The following LRTM1 variants were observed in gnomAD, a reference collection of about 807,000 sequenced individuals.
LRTM1 encodes leucine-rich repeat and transmembrane domain-containing protein 1.
A neutral mutation model predicts 32.4 loss-of-function variants in LRTM1; 38 were observed. The ratio of observed to expected loss-of-function variants is 1.17; its 90% confidence interval spans 0.91 to 1.54. The LOEUF is 1.54. Among genes scored for constraint, LRTM1 ranks in the 40% most tolerant of loss-of-function variants. LRTM1 has a pLI of 0.00. For missense variants in LRTM1, 466 were observed against 415.4 expected, an observed-to-expected ratio of 1.12 and a Z score of -1.06; for synonymous variants, 186 against 169.9, an observed-to-expected ratio of 1.09 and a Z score of -0.74.
intron 1 of LRTM1, among the ~76,000 whole-genome samples, chr3:54,966,079 G>A (rs1245371968): frequency 6.6e-6 from 1 of 152,104 alleles, no homozygotes; most frequent in African/African-American, 2.4e-5. Context: ...CACCCAGCGG[G>A]GAGCAGCTGG....
At chr3:54,942,884 C>T (rs184183385) in intron 1 of LRTM1, among the ~76,000 whole-genome samples, 76 of 152,100 alleles carry the variant, frequency 5.0e-4, no homozygotes, top group African/African-American at 1.7e-3. Flanking sequence ...ATTAGCCAGG[C>T]GCGGTGGCAC....
intron 1 of LRTM1, among the ~76,000 whole-genome samples, chr3:54,965,101 G>A (rs1185154674): frequency 6.6e-6 from 1 of 152,132 alleles, no homozygotes; most frequent in Non-Finnish European, 1.5e-5. Flanking sequence ...GGTTTTGTGG[G>A]CCATGCAATC....
intron 1 of LRTM1, among the ~76,000 whole-genome samples, chr3:54,939,554 C>T (rs17054579): frequency 0.013 from 1,928 of 152,312 alleles, 40 homozygotes; most frequent in African/African-American, 0.043. Flanking sequence ...TCTGCTGTGG[C>T]CAGGGATTGG....
intron 1 of LRTM1, among the ~76,000 whole-genome samples, chr3:54,937,006 C>T (rs1438256685): frequency 1.3e-5 from 2 of 152,064 alleles, no homozygotes; most frequent in African/African-American, 4.8e-5. Context: ...AGCTGAGTGC[C>T]GCTGTGTGTG....
chr3:54,927,783 A>G (rs1000688653), intron 1 of LRTM1, 122 bp downstream of exon 1: 5 of 1,045,704 alleles, frequency 4.8e-6, no homozygotes, highest in Non-Finnish European at 6.0e-6. Flanking sequence ...GACATTTTTC[A>G]TATCTGTCCA....
At chr3:54,939,459 C>T (rs1575392797) in intron 1 of LRTM1, among the ~76,000 whole-genome samples, 1 of 152,296 alleles carries the variant, frequency 6.6e-6, no homozygotes, top group Non-Finnish European at 1.5e-5. Context: ...AAAAGAAGGG[C>T]CAAGACATTC....
chr3:54,965,760 T>C (rs1356180), intron 1 of LRTM1, among the ~76,000 whole-genome samples: 64,391 of 152,074 alleles, frequency 0.42, 14,626 homozygotes, highest in East Asian at 0.56. Flanking sequence ...TGAGGTCAGC[T>C]AGCCGGAACA....
chr3:54,956,271 A>G (rs887339281), intron 1 of LRTM1, among the ~76,000 whole-genome samples: 2 of 152,206 alleles, frequency 1.3e-5, no homozygotes, highest in Admixed American at 6.5e-5. Flanking sequence ...CCGTAAGCGC[A>G]TGGTCTTCCC....
intron 1 of LRTM1, among the ~76,000 whole-genome samples, chr3:54,964,531 T>C (rs537264213): frequency 1.8e-4 from 28 of 152,208 alleles, no homozygotes; most frequent in Non-Finnish European, 3.8e-4. Flanking sequence ...CTTGAAATGT[T>C]GCTGAAAGAA....
At chr3:54,948,710 G>T (rs1701678363) in intron 1 of LRTM1, among the ~76,000 whole-genome samples, 2 of 152,170 alleles carry the variant, frequency 1.3e-5, no homozygotes, top group Non-Finnish European at 2.9e-5. Context: ...TGCCCATGCT[G>T]TTGTCAGCTA....
At position 54,918,744 on chromosome 3, in the gene LRTM1, G is replaced by A. The variant is rs199678229; in HGVS notation, c.753C>T (p.His251=). The part of the protein sequence containing the change: ...SSQAQWPGSA[H]GVVLRPPENH... ...TCTCAGGAGGCCTCAGGACCACACC[G>A]TGGGCAGAGCCGGGCCACTGAGCCT... The change falls in exon 3 of 3, where the codon CAC becomes CAT. Residue 251 remains histidine (H), a synonymous_variant. Transcript: ENST00000273286. 5.5e-5 allele frequency: 88 copies of A among 1,614,152 alleles called. No homozygotes were observed. Among genetic ancestry groups the A allele is most frequent in the East Asian group, 2.0e-4 (9 of 44,860 alleles).
chr3:54,922,924 T>G (rs1465348061), intron 2 of LRTM1, among the ~76,000 whole-genome samples: 1 of 152,162 alleles, frequency 6.6e-6, no homozygotes, highest in East Asian at 1.9e-4. Flanking sequence ...ATTATGGTCT[T>G]CTCTTAGTCA....
At chr3:54,938,485 T>A (rs537161600) in intron 1 of LRTM1, among the ~76,000 whole-genome samples, 2 of 152,288 alleles carry the variant, frequency 1.3e-5, no homozygotes, top group African/African-American at 4.8e-5. Context: ...GTTCCTGTAG[T>A]ATAGATCCTT....
intron 2 of LRTM1, among the ~76,000 whole-genome samples, chr3:54,923,018 G>A (rs1217679862): frequency 2.6e-5 from 4 of 152,106 alleles, no homozygotes; most frequent in African/African-American, 4.8e-5. Context: ...ACCCTGGTTT[G>A]GGCCACCATC....
intron 1 of LRTM1, among the ~76,000 whole-genome samples, chr3:54,942,438 T>C (rs2106988468): frequency 6.6e-6 from 1 of 152,292 alleles, no homozygotes; most frequent in South Asian, 2.1e-4. Context: ...AAGAGGGAAA[T>C]AGTTTTAGGC....
intron 1 of LRTM1, among the ~76,000 whole-genome samples, chr3:54,964,629 G>A (rs767184897): frequency 2.6e-5 from 4 of 152,082 alleles, no homozygotes; most frequent in Non-Finnish European, 4.4e-5. Context: ...TGAAGTAGTC[G>A]TGTTTTCTCT....
chr3:54,918,976 G>T, intron 2 of LRTM1, 84 bp from the exon 3 acceptor site: 1 of 1,152,368 alleles, frequency 8.7e-7, no homozygotes, highest in Non-Finnish European at 1.2e-6. Context: ...AACTTAGGCA[G>T]ATGGAATTTA....
chr3:54,957,940 A>T (rs1342955726), intron 1 of LRTM1, among the ~76,000 whole-genome samples: 1 of 152,144 alleles, frequency 6.6e-6, no homozygotes, highest in Non-Finnish European at 1.5e-5. Context: ...TGCTCTTGGG[A>T]CAGAGTCCAA....
At chr3:54,938,755 A>G (rs1701389341) in intron 1 of LRTM1, among the ~76,000 whole-genome samples, 1 of 152,128 alleles carries the variant, frequency 6.6e-6, no homozygotes, top group Admixed American at 6.5e-5. Context: ...ACAAAATTTG[A>G]GAGCATGTTG....
Sources: gnomAD v4.1 joint callset for allele counts (sites outside exome capture counted in the v4.1 genomes callset) on GRCh38, gnomAD v4.1.1 for gene constraint, MANE v1.5 for transcripts, NCBI Gene and HGNC (gene_info 2026-07-23, HGNC 2026-07-21) for gene names.